GNAQ: variants seen among roughly 807,000 people sequenced by gnomAD.
GNAQ encodes the protein G protein subunit alpha q, also known as guanine nucleotide-binding protein G(q) subunit alpha.
Under a neutral mutation model 43.9 loss-of-function variants are expected in GNAQ, and 8 were observed. The observed-to-expected ratio is 0.18, with a 90% CI of 0.11 to 0.33. The LOEUF is 0.33. Among genes scored for constraint, GNAQ ranks in the 10% least tolerant of loss-of-function variants. The pLI is 1.00. For synonymous variants in GNAQ, 155 were observed against 170.7 expected (o/e 0.91, Z 0.71); for missense variants, 158 against 450.8 (o/e 0.35, Z 5.88).
rs181578588 is a variant in GNAQ at position 77,749,378 on chromosome 9, G to T, written c.736-20711C>A. Among the ~76,000 whole-genome samples the T allele has an allele frequency of 1.6e-3, 250 of 152,196 alleles. 1 individual carries two copies. The highest frequency in any genetic ancestry group is 5.7e-3 in the African/African-American group (237 of 41,518). On this transcript the variant is annotated intron_variant, in intron 5 of 6. Transcript: ENST00000286548. ...TATAAATAAACACCCTTAACCAGGT[G>T]GTAGAATGTTATTCAGGAAAACAGG...
chr9:77,985,475 G>A (rs543743582), intron 1 of GNAQ, among the ~76,000 whole-genome samples: 16 of 152,312 alleles, frequency 1.1e-4, no homozygotes, highest in African/African-American at 3.6e-4. Flanking sequence ...GAGGATAGTT[G>A]TATGTCATTC....
At position 77,865,864 on chromosome 9, in the gene GNAQ, T is replaced by C. The variant is rs142577186; in HGVS notation, c.322-50094A>G. ...GGGTGAGGCTGATTATAATTAGTTGTAGCAATGCTCACTAAAGCTTTCACT... is the reference window on the plus strand; with the variant it reads ...GGGTGAGGCTGATTATAATTAGTTGCAGCAATGCTCACTAAAGCTTTCACT... On this transcript the variant is annotated intron_variant, in intron 2 of 6. Coordinates refer to ENST00000286548, the MANE Select transcript of GNAQ (RefSeq NM_002072.5). 3.9e-5 allele frequency among the ~76,000 whole-genome samples: 6 copies of C among 152,352 alleles called. No individual in the cohort carries two copies. The East Asian group carries it at 1.2e-3, about 29-fold the overall frequency.
At chr9:77,904,211 T>C (rs1356008500) in intron 2 of GNAQ, among the ~76,000 whole-genome samples, 1 of 151,510 alleles carries the variant, frequency 6.6e-6, no homozygotes, top group South Asian at 2.1e-4. Flanking sequence ...CATTTTGGCA[T>C]ACTTACACTT....
intron 1 of GNAQ, among the ~76,000 whole-genome samples, chr9:77,964,858 T>C (rs1823147273): frequency 6.6e-6 from 1 of 152,158 alleles, no homozygotes; most frequent in Admixed American, 6.5e-5. Flanking sequence ...TTTTTATAAC[T>C]AATAATCTTA....
At chr9:77,992,254 G>T (rs979863897) in intron 1 of GNAQ, among the ~76,000 whole-genome samples, 1 of 152,140 alleles carries the variant, frequency 6.6e-6, no homozygotes, top group Non-Finnish European at 1.5e-5. Flanking sequence ...CCCTGTAAAT[G>T]GAACCATGCA....
intron 2 of GNAQ, among the ~76,000 whole-genome samples, chr9:77,905,011 T>C (rs1238525832): frequency 6.6e-6 from 1 of 152,172 alleles, no homozygotes; most frequent in Non-Finnish European, 1.5e-5. Flanking sequence ...AATTCCTCCC[T>C]CCCAAAATGA....
rs1468035446 is a variant in GNAQ, at chr9:77,855,501, A to T, written c.322-39731T>A. ...CATGGTATATCTATATTACTAGCCCAATTATGTCATCTTTTTTTCGCCCTC... is the reference window on the plus strand; with the variant it reads ...CATGGTATATCTATATTACTAGCCCTATTATGTCATCTTTTTTTCGCCCTC... On this transcript the variant is annotated intron_variant, in intron 2 of 6. Coordinates refer to ENST00000286548, the MANE Select transcript of GNAQ (RefSeq NM_002072.5). 3.9e-5 allele frequency among the ~76,000 whole-genome samples: 6 copies of T among 152,242 alleles called. No individual in the cohort carries two copies. The East Asian group carries it at 1.2e-3, about 29-fold the overall frequency.
At chr9:77,939,326 T>C (rs773767188) in intron 1 of GNAQ, among the ~76,000 whole-genome samples, 53 of 152,254 alleles carry the variant, frequency 3.5e-4, no homozygotes, top group Non-Finnish European at 6.3e-4. Context: ...GCATGAGTCA[T>C]GTGCCTTCAG....
rs972916380 is a variant in GNAQ, at chr9:77,717,890, C to G, written c.*3433G>C. On this transcript the variant is annotated 3_prime_UTR_variant, in exon 7 of 7. Coordinates refer to ENST00000286548, the MANE Select transcript of GNAQ (RefSeq NM_002072.5). Reference sequence around the variant, plus strand: ...ATGGAAATGTTAAAAACAAAAACTTCTAGGAGATTTATTTACTTTTGAATG... The same window carrying G: ...ATGGAAATGTTAAAAACAAAAACTTGTAGGAGATTTATTTACTTTTGAATG... 4.3e-6 allele frequency: 1 copy of G among 232,354 alleles called. No individual in the cohort carries two copies. Among genetic ancestry groups the G allele is most frequent in the Non-Finnish European group, 8.5e-6 (1 of 117,670 alleles). 14.4% of individuals were successfully genotyped at this position (232,354 alleles called of 1,614,324 possible). A position where few individuals can be genotyped will look rare whatever the true frequency, so the allele number is the denominator to read the frequency against.
intron 4 of GNAQ, among the ~76,000 whole-genome samples, chr9:77,795,147 T>C (rs1027877253): frequency 6.6e-6 from 1 of 152,188 alleles, no homozygotes; most frequent in Non-Finnish European, 1.5e-5. Context: ...GGCATTTTTT[T>C]CTTCCCAATA....
intron 2 of GNAQ, among the ~76,000 whole-genome samples, chr9:77,817,205 C>G (rs1023650217): frequency 1.3e-5 from 2 of 152,174 alleles, no homozygotes; most frequent in African/African-American, 2.4e-5. Flanking sequence ...CCTTTGAAAA[C>G]AGAGCATCAC....
At chr9:77,821,136 GATTT>G (rs1457232667) in intron 2 of GNAQ, among the ~76,000 whole-genome samples, 5 of 152,072 alleles carry the variant, frequency 3.3e-5, no homozygotes, top group African/African-American at 9.7e-5. Flanking sequence ...TTCACAAACT[GATTT>G]ATTAACTCAT....
At chr9:77,851,648 C>T (rs1449703337) in intron 2 of GNAQ, among the ~76,000 whole-genome samples, 1 of 152,186 alleles carries the variant, frequency 6.6e-6, no homozygotes, top group African/African-American at 2.4e-5. Context: ...CACTCCTGAT[C>T]CCTCCTGTCA....
At chr9:77,757,019 C>T (rs1825914385) in intron 5 of GNAQ, among the ~76,000 whole-genome samples, 1 of 152,094 alleles carries the variant, frequency 6.6e-6, no homozygotes, top group Non-Finnish European at 1.5e-5. Flanking sequence ...TACTTGGAGC[C>T]TTTGGCATTT....
At chr9:77,933,729 T>C (rs948482235) in intron 1 of GNAQ, among the ~76,000 whole-genome samples, 1 of 152,080 alleles carries the variant, frequency 6.6e-6, no homozygotes, top group African/African-American at 2.4e-5. Flanking sequence ...AGCAGAAAGA[T>C]ATAAAAATAT....
intron 3 of GNAQ, among the ~76,000 whole-genome samples, chr9:77,802,830 G>C (rs1826767313): frequency 6.6e-6 from 1 of 152,178 alleles, no homozygotes; most frequent in South Asian, 2.1e-4. Context: ...TAGAAAATGG[G>C]AGATTTAGCT....
intron 2 of GNAQ, among the ~76,000 whole-genome samples, chr9:77,891,424 T>A (rs977696965): frequency 6.6e-6 from 1 of 152,256 alleles, no homozygotes; most frequent in African/African-American, 2.4e-5. Flanking sequence ...GAAATGGTTA[T>A]TTTAATTTTA....
At chr9:77,877,317 G>T (rs1328532) in intron 2 of GNAQ, among the ~76,000 whole-genome samples, 1 of 152,004 alleles carries the variant, frequency 6.6e-6, no homozygotes, top group Non-Finnish European at 1.5e-5. Flanking sequence ...CATGAACTTT[G>T]TTTTAGCATT....
chr9:78,018,552 A>G (rs1823866683), intron 1 of GNAQ, among the ~76,000 whole-genome samples: 1 of 152,258 alleles, frequency 6.6e-6, no homozygotes, highest in African/African-American at 2.4e-5. Context: ...TTCAAAGACT[A>G]GCATGAAAAC....
Sources: allele counts gnomAD v4.1 joint callset (sites outside exome capture counted in the v4.1 genomes callset), GRCh38; gene constraint gnomAD v4.1.1; transcripts MANE v1.5; gene names NCBI Gene and HGNC (gene_info 2026-07-23, HGNC 2026-07-21).